ANKFY1: variants seen among roughly 807,000 people sequenced by gnomAD.
ANKFY1 encodes the protein ankyrin repeat and FYVE domain containing 1, also known as ankyrin repeat and FYVE domain-containing protein 1.
In ANKFY1, 47 loss-of-function variants were observed where a neutral mutation model predicts 128.3. The observed-to-expected ratio is 0.37, with a 90% confidence interval of 0.29 to 0.47. ANKFY1 has a LOEUF of 0.47. Ranked by LOEUF, ANKFY1 falls within the 20% of genes least tolerant of loss-of-function variation. The pLI, the probability that ANKFY1 is intolerant of heterozygous loss-of-function variation, is 1.00. For synonymous variants in ANKFY1, 553 were observed against 601.6 expected (o/e 0.92, Z 1.18); for missense variants, 1,222 against 1,510.6 (o/e 0.81, Z 3.17).
At chr17:4,176,237 G>A (rs1427105744) in intron 19 of ANKFY1, among the ~76,000 whole-genome samples, 1 of 152,126 alleles carries the variant, frequency 6.6e-6, no homozygotes, top group Non-Finnish European at 1.5e-5. Flanking sequence ...ACACAATCAG[G>A]TCACAAGGCT....
At chr17:4,229,006 T>C (rs773245124) in intron 3 of ANKFY1, among the ~76,000 whole-genome samples, 1 of 152,200 alleles carries the variant, frequency 6.6e-6, no homozygotes, top group East Asian at 1.9e-4. Context: ...GTAACTGCTA[T>C]GTAAAAACTT....
At chr17:4,259,512 C>T (rs1220267919) in intron 1 of ANKFY1, among the ~76,000 whole-genome samples, 2 of 152,194 alleles carry the variant, frequency 1.3e-5, no homozygotes, top group Non-Finnish European at 1.5e-5. Context: ...GAACTCCTGA[C>T]CTCAAGTGAT....
chr17:4,222,385 C>T, intron 3 of ANKFY1: 4 of 785,724 alleles, frequency 5.1e-6, no homozygotes, highest in Non-Finnish European at 7.1e-6. Context: ...TCTGTTAGTA[C>T]CCAGTGAGAC....
At position 4,178,936 on chromosome 17, in the gene ANKFY1, G is replaced by A; in HGVS notation, c.2519C>T (p.Pro840Leu). 1.2e-6 allele frequency: 2 copies of A among 1,614,202 alleles called. No individual in the cohort carries two copies. The highest frequency in any genetic ancestry group is 1.7e-6 in the Non-Finnish European group (2 of 1,180,036). Residue 840 changes from proline (P) to leucine (L), a missense_variant, in exon 18 of 25, where the codon CCG (proline) becomes CTG (leucine). By Grantham distance (98) the Pro-to-Leu change is moderately conservative. Coordinates refer to ENST00000341657, the MANE Select transcript of ANKFY1 (RefSeq NM_001330063.2). The surrounding 1 kb of genome is among the most constrained non-coding windows in gnomAD (Gnocchi z 4.1). ...CTTGAAAGTCATGGCACAGGCAAAC[G>A]GGGTCAGCCCTTGTCTGTCTCGTAC... ...LNVRDRQGLT[P>L]FACAMTFKNN... is the part of the protein sequence containing the mutation.
chr17:4,247,163 G>A (rs146334675), intron 1 of ANKFY1, among the ~76,000 whole-genome samples: 1 of 151,766 alleles, frequency 6.6e-6, no homozygotes, highest in Non-Finnish European at 1.5e-5. Context: ...TGACTGCAAA[G>A]TTGCTGATTC....
chr17:4,191,054 C>T (rs1469712857), intron 10 of ANKFY1: 2 of 152,362 alleles, frequency 1.3e-5, no homozygotes, highest in Non-Finnish European at 2.9e-5. Context: ...AGGAGAATCA[C>T]TTGAACCCAG....
chr17:4,227,271 C>G lies in ANKFY1; in HGVS notation c.322+8501G>C, dbSNP rs564224240. On this transcript the variant is annotated intron_variant, in intron 3 of 24. Coordinates refer to ENST00000341657, the MANE Select transcript of ANKFY1 (RefSeq NM_001330063.2). ...TAGAGACATTAAAAAAAATTACATA[C>G]CAATATCCCTCATGATTACTGTTGT... is the stretch of plus-strand genomic sequence containing the variant. Among the ~76,000 whole-genome samples, 43 of 152,066 alleles carry G rather than the reference C, an allele frequency of 2.8e-4. 1 individual carries two copies. The highest frequency in any genetic ancestry group is 9.4e-4 in the African/African-American group (39 of 41,492).
At chr17:4,239,943 T>C (rs1361124794) in intron 2 of ANKFY1, among the ~76,000 whole-genome samples, 1 of 152,188 alleles carries the variant, frequency 6.6e-6, no homozygotes, top group East Asian at 1.9e-4. Context: ...CTGTGTTTCT[T>C]TGCCACATCC....
intron 4 of ANKFY1, among the ~76,000 whole-genome samples, chr17:4,212,770 C>CTTTTTTTT (rs35264086): frequency 7.6e-6 from 1 of 130,878 alleles, no homozygotes; most frequent in Non-Finnish European, 1.6e-5. Context: ...GCAGAACACA[C>CTTTTTTTT]TTTTTTTTTT....
chr17:4,201,548 A>T (rs1045748824), intron 7 of ANKFY1, among the ~76,000 whole-genome samples: 10 of 150,410 alleles, frequency 6.6e-5, no homozygotes, highest in Admixed American at 6.6e-4. Context: ...GAAATGTTTG[A>T]GAAGAAAATG....
intron 23 of ANKFY1, 37 bp downstream of exon 23, chr17:4,170,678 G>A (rs1217557124): frequency 6.3e-7 from 1 of 1,584,428 alleles, no homozygotes; most frequent in African/African-American, 1.3e-5. Context: ...CACTACGACT[G>A]TGCTTGCACT....
intron 3 of ANKFY1, chr17:4,221,985 A>T (rs914684339): frequency 4.6e-5 from 7 of 152,164 alleles, no homozygotes; most frequent in African/African-American, 1.4e-4. Flanking sequence ...GCCGCCAAGG[A>T]GGTGGCGGCG....
Position 4,170,716 on chromosome 17 carries a change from C to T in ANKFY1, c.3285G>A (p.Leu1095=), listed in dbSNP as rs1269956553. 1.2e-6 allele frequency: 2 copies of T among 1,607,748 alleles called. No homozygotes were observed. Among genetic ancestry groups the T allele is most frequent in the East Asian group, 2.2e-5 (1 of 44,866 alleles). Residue 1095 remains leucine (L), a splice_region_variant and synonymous_variant, in exon 23 of 25, where the codon CTG becomes CTA. Transcript: ENST00000341657. ...GAGAGCAGAGAGCGGGCCACTCACC[C>T]AGCAGTCGGAACAGGAGCTGCTTGG... is the stretch of plus-strand genomic sequence containing the variant. ...VATKQLLFRL[L]DMLSKEPPWC...
chr17:4,260,618 CAAAAA>C (rs60030304), intron 1 of ANKFY1, among the ~76,000 whole-genome samples: 10 of 65,106 alleles, frequency 1.5e-4, no homozygotes, highest in East Asian at 4.2e-4. Context: ...ATCCTGTCTC[CAAAAA>C]AAAAAAAAAA....
At position 4,169,189 on chromosome 17, in the gene ANKFY1, G is replaced by A; in HGVS notation, c.3377+9C>T. 1.3e-6 allele frequency: 2 copies of A among 1,549,720 alleles called. No homozygotes were observed. The highest frequency in any genetic ancestry group is 1.7e-6 in the Non-Finnish European group (2 of 1,145,230). On this transcript the variant is annotated intron_variant, in intron 24 of 24. Coordinates refer to ENST00000341657, the MANE Select transcript of ANKFY1 (RefSeq NM_001330063.2). The surrounding 1 kb of genome is among the most constrained non-coding windows in gnomAD (Gnocchi z 5.0). ...CCCTCGCTCCTTGCCAGTGACGCTG[G>A]GGTCTTACCAGTGGTGTTTGCGAGT...
chr17:4,222,997 T>C, intron 3 of ANKFY1: 1 of 885,556 alleles, frequency 1.1e-6, no homozygotes, highest in Non-Finnish European at 1.9e-6. Flanking sequence ...GTGAAGGATA[T>C]AGCAATATCC....
rs770569967 is a variant in ANKFY1, at chr17:4,195,459, A to G, written c.1116T>C (p.His372=). ...MQDSKGRTPL[H]VSIMAGNEYV... The stretch of plus-strand genomic sequence containing the variant: ...ATTCATTCCCGGCCATGATGGACAC[A>G]TGTAAAGGAGTCCTGCGGGATCCAA... Residue 372 remains histidine (H), a synonymous_variant, in exon 9 of 25, where the codon CAT becomes CAC. Coordinates refer to ENST00000341657, the MANE Select transcript of ANKFY1 (RefSeq NM_001330063.2). The G allele has an allele frequency of 1.4e-5, 23 of 1,613,924 alleles. No homozygotes were observed. Among genetic ancestry groups the G allele is most frequent in the East Asian group, 4.5e-5 (2 of 44,892 alleles).
At chr17:4,251,782 C>T (rs989149013) in intron 1 of ANKFY1, among the ~76,000 whole-genome samples, 1 of 152,070 alleles carries the variant, frequency 6.6e-6, no homozygotes, top group Non-Finnish European at 1.5e-5. Flanking sequence ...AGCCTGTAAT[C>T]CCAGCACTTT....
intron 10 of ANKFY1, among the ~76,000 whole-genome samples, chr17:4,192,474 G>A (rs1011869144): frequency 1.4e-4 from 21 of 151,172 alleles, no homozygotes. Flanking sequence ...ACTCCTAGTT[G>A]ATGGTTACTC....
Sources: gnomAD v4.1 joint callset for allele counts (sites outside exome capture counted in the v4.1 genomes callset) on GRCh38, gnomAD v4.1.1 for gene constraint, Gnocchi (gnomAD v3.1) non-coding constraint, MANE v1.5 for transcripts, NCBI Gene and HGNC (gene_info 2026-07-23, HGNC 2026-07-21) for gene names.